LAMA3: variants seen among roughly 807,000 people sequenced by gnomAD.
LAMA3 encodes laminin subunit alpha 3, also known as laminin subunit alpha-3.
A neutral mutation model predicts 402.0 loss-of-function variants in LAMA3; 281 were observed. The observed-to-expected ratio is 0.70, with a 90% confidence interval of 0.63 to 0.77. LAMA3 has a LOEUF of 0.77. Among genes scored for constraint, LAMA3 ranks in the 30% least tolerant of loss-of-function variants. The pLI, the probability that LAMA3 is intolerant of heterozygous loss-of-function variation, is 0.00. For synonymous variants in LAMA3, 1,431 were observed against 1,558.4 expected (o/e 0.92, Z 1.93); for missense variants, 3,840 against 4,215.5 (o/e 0.91, Z 2.47).
chr18:23,700,517 G>C (rs1295356037), intron 1 of LAMA3, among the ~76,000 whole-genome samples: 1 of 152,072 alleles, frequency 6.6e-6, no homozygotes, highest in African/African-American at 2.4e-5. Context: ...AATTAATAGA[G>C]CTGGCTTTAA....
intron 40 of LAMA3, among the ~76,000 whole-genome samples, chr18:23,883,284 T>C (rs989972450): frequency 1.3e-5 from 2 of 152,154 alleles, no homozygotes; most frequent in African/African-American, 2.4e-5. Flanking sequence ...GAGTGACCAA[T>C]AGACTACATA....
chr18:23,889,544 A>G (rs2080570003), intron 41 of LAMA3, among the ~76,000 whole-genome samples: 1 of 151,804 alleles, frequency 6.6e-6, no homozygotes. Flanking sequence ...CCTGGAGAAC[A>G]GAGTAAGACT....
At chr18:23,799,745 G>C (rs902809017) in intron 12 of LAMA3, among the ~76,000 whole-genome samples, 7 of 152,188 alleles carry the variant, frequency 4.6e-5, no homozygotes, top group African/African-American at 1.7e-4. Flanking sequence ...TATGGAGAGA[G>C]AGAGAGAGAG....
At chr18:23,855,229 G>A (rs932737507) in intron 32 of LAMA3, among the ~76,000 whole-genome samples, 5 of 152,204 alleles carry the variant, frequency 3.3e-5, no homozygotes, top group Non-Finnish European at 7.3e-5. Flanking sequence ...TTCAGACCTT[G>A]GGATGCCAGT....
At chr18:23,753,606 A>G in intron 5 of LAMA3, 115 bp from the exon 6 acceptor site, 1 of 757,584 alleles carries the variant, frequency 1.3e-6, no homozygotes, top group Non-Finnish European at 2.4e-6. Context: ...GTAGGGCTCA[A>G]GAATACGGAA....
rs1172908329 is a variant in LAMA3, at chr18:23,899,005, G to A, written c.5776G>A (p.Ala1926Thr). Reference protein sequence around the residue: ...AQTLNNNVNRATQSAKELDVK... With the variant: ...AQTLNNNVNRTTQSAKELDVK... Reference sequence around the variant, plus strand: ...AACATTAAACAACAATGTTAATCGGGCAACACAAAGCGCAAAAGAACTGGA... The same window carrying A: ...AACATTAAACAACAATGTTAATCGGACAACACAAAGCGCAAAAGAACTGGA... The change falls in exon 46 of 75, where the codon GCA becomes ACA. Residue 1926 changes from alanine (A) to threonine (T), a missense_variant. By Grantham distance (58) the Ala-to-Thr change is moderately conservative (BLOSUM62 0). Around this residue, in one of 3 missense-constraint regions of LAMA3, gnomAD observed 891 missense variants for 857.5 expected, o/e 1.04. Coordinates refer to ENST00000313654, the MANE Select transcript of LAMA3 (RefSeq NM_198129.4). 1.2e-6 allele frequency: 2 copies of A among 1,613,972 alleles called. No individual in the cohort carries two copies. The highest frequency in any genetic ancestry group is 2.2e-5 in the East Asian group (1 of 44,852).
At chr18:23,883,829 A>G (rs2064980993) in intron 40 of LAMA3, among the ~76,000 whole-genome samples, 1 of 152,192 alleles carries the variant, frequency 6.6e-6, no homozygotes, top group South Asian at 2.1e-4. Flanking sequence ...CAGCTTCCAT[A>G]AGTTGAAGTA....
intron 39 of LAMA3, among the ~76,000 whole-genome samples, chr18:23,877,461 A>G (rs2064759165): frequency 6.6e-6 from 1 of 152,212 alleles, no homozygotes; most frequent in Non-Finnish European, 1.5e-5. Context: ...AGCATACTCC[A>G]GGAATACAGG....
At chr18:23,897,773 A>C (rs2080924929) in intron 44 of LAMA3, among the ~76,000 whole-genome samples, 1 of 152,248 alleles carries the variant, frequency 6.6e-6, no homozygotes. Flanking sequence ...CAAACATGCG[A>C]AAATTAAGAA....
Position 23,814,430 on chromosome 18 carries a change from G to T in LAMA3, c.1816G>T (p.Glu606Ter). Residue 606 changes from glutamate (E) to a stop codon, truncating the protein, a stop_gained, in exon 15 of 75, where the codon GAA becomes TAA. Transcript: ENST00000313654. LOFTEE classifies it high-confidence loss of function. ...GTATTGCCAATGCAAGCTTCATGTTGAAGGTCCTACTTGTAGCCGCTGCAA... is the reference window on the plus strand; with the variant it reads ...GTATTGCCAATGCAAGCTTCATGTTTAAGGTCCTACTTGTAGCCGCTGCAA... ...LGYCQCKLHV[E>*]GPTCSRCKLL... 6.2e-7 allele frequency: 1 copy of T among 1,613,626 alleles called. No individual in the cohort carries two copies. The highest frequency in any genetic ancestry group is 8.5e-7 in the Non-Finnish European group (1 of 1,179,564).
chr18:23,765,783 A>T (rs1440307174), intron 8 of LAMA3, among the ~76,000 whole-genome samples: 1 of 152,200 alleles, frequency 6.6e-6, no homozygotes, highest in Non-Finnish European at 1.5e-5. Context: ...GATCAAAATG[A>T]AAATTCTATA....
rs187651679 is a variant in LAMA3, at chr18:23,835,932, C to A, written c.2985-1049C>A. 2.4e-3 allele frequency among the ~76,000 whole-genome samples: 366 copies of A among 152,192 alleles called. 1 individual carries two copies. Among genetic ancestry groups the A allele is most frequent in the African/African-American group, 8.4e-3 (349 of 41,508 alleles). ...TTTTCAAAGTAGTGCTGTGATAAAT[C>A]TAATCTGCTCTCCATAAGAGAGATG... On this transcript the variant is annotated intron_variant, in intron 24 of 74. Coordinates refer to ENST00000313654, the MANE Select transcript of LAMA3 (RefSeq NM_198129.4).
intron 32 of LAMA3, among the ~76,000 whole-genome samples, chr18:23,848,766 A>C (rs2063879705): frequency 6.6e-6 from 1 of 152,236 alleles, no homozygotes; most frequent in African/African-American, 2.4e-5. Context: ...ATTTATTCTT[A>C]CACATTTCTG....
At chr18:23,886,444 C>A (rs1365949179) in intron 41 of LAMA3, among the ~76,000 whole-genome samples, 5 of 151,968 alleles carry the variant, frequency 3.3e-5, no homozygotes, top group Non-Finnish European at 5.9e-5. Context: ...GGTTAGAGAC[C>A]AACCTGGGCA....
chr18:23,731,505 C>G (rs1431137510), intron 2 of LAMA3, among the ~76,000 whole-genome samples: 2 of 152,208 alleles, frequency 1.3e-5, no homozygotes, highest in Non-Finnish European at 2.9e-5. Flanking sequence ...CACAAATATA[C>G]TGTACTTTGT....
At position 23,954,976 on chromosome 18, in the gene LAMA3, T is replaced by C. The variant is rs1166916352; in HGVS notation, c.*328T>C. On this transcript the variant is annotated 3_prime_UTR_variant, in exon 75 of 75. Coordinates refer to ENST00000313654, the MANE Select transcript of LAMA3 (RefSeq NM_198129.4). ...TTTTCCACTTGTTAAAAAAATTAAA[T>C]ATATTTTAAAGCACTTTAAGAATAT... 2 of 321,438 alleles carry C rather than the reference T, an allele frequency of 6.2e-6. No individual in the cohort carries two copies. Among genetic ancestry groups the C allele is most frequent in the Non-Finnish European group, 1.2e-5 (2 of 169,574 alleles). The allele number at this position is 321,438 out of a possible 1,614,324, so 19.9% of individuals were successfully genotyped here. A position where few individuals can be genotyped will look rare whatever the true frequency, so the allele number is the denominator to read the frequency against.
intron 2 of LAMA3, among the ~76,000 whole-genome samples, chr18:23,732,629 C>G (rs1053705116): frequency 3.3e-5 from 5 of 152,096 alleles, no homozygotes; most frequent in Admixed American, 2.0e-4. Flanking sequence ...CGCATTGGCT[C>G]TATCTCAACC....
intron 48 of LAMA3, among the ~76,000 whole-genome samples, chr18:23,902,105 T>C (rs1272236102): frequency 2.0e-5 from 3 of 152,306 alleles, no homozygotes; most frequent in Admixed American, 6.5e-5. Context: ...AGAGGATTGC[T>C]TGGGCCCAGG....
At chr18:23,875,689 C>T (rs2064685965) in intron 38 of LAMA3, among the ~76,000 whole-genome samples, 1 of 152,178 alleles carries the variant, frequency 6.6e-6, no homozygotes, top group African/African-American at 2.4e-5. Context: ...GCCCCCTCAC[C>T]AGCCCAAACC....
Sources: allele counts gnomAD v4.1 joint callset (sites outside exome capture counted in the v4.1 genomes callset), GRCh38; gene constraint gnomAD v4.1.1; regional missense constraint gnomAD v4.1.1; transcripts MANE v1.5; gene names NCBI Gene and HGNC (gene_info 2026-07-23, HGNC 2026-07-21).